SFTPD: variants seen among roughly 807,000 people sequenced by gnomAD.
SFTPD encodes the protein surfactant protein D, also known as pulmonary surfactant-associated protein D.
Under a neutral mutation model 34.6 loss-of-function variants are expected in SFTPD, and 18 were observed. That is an observed-to-expected ratio of 0.52 (90% CI 0.36 to 0.77). The LOEUF is 0.77. Ranked by LOEUF, SFTPD falls within the 30% of genes least tolerant of loss-of-function variation. The probability of loss-of-function intolerance (pLI) is 0.00; values close to 1 mark genes in which losing one functional copy is unlikely to be tolerated. For synonymous variants in SFTPD, 155 were observed against 180.9 expected (o/e 0.86, Z 1.15); for missense variants, 433 against 468.9 (o/e 0.92, Z 0.71).
At chr10:79,957,994 T>C (rs1424766124) in intron 1 of SFTPD, among the ~76,000 whole-genome samples, 1 of 152,224 alleles carries the variant, frequency 6.6e-6, no homozygotes, top group Non-Finnish European at 1.5e-5. Flanking sequence ...GGGGCCAATA[T>C]TCAGCATTCT....
At chr10:79,981,856 A>G (rs1842892572) in intron 1 of SFTPD, 1 of 239,304 alleles carries the variant, frequency 4.2e-6, no homozygotes, top group Non-Finnish European at 8.1e-6. Context: ...ACCAGAACCT[A>G]AACCAGAGGC....
upstream of SFTPD, among the ~76,000 whole-genome samples, chr10:79,951,313 C>T (rs946081525): frequency 6.6e-6 from 1 of 152,102 alleles, no homozygotes; most frequent in African/African-American, 2.4e-5. Flanking sequence ...CTAGAGAACC[C>T]GTTACTTCTT....
intron 1 of SFTPD, among the ~76,000 whole-genome samples, chr10:79,957,944 T>C (rs757714452): frequency 2.6e-5 from 4 of 152,266 alleles, no homozygotes; most frequent in African/African-American, 9.6e-5. Flanking sequence ...AGACCAACAG[T>C]GGATCTCTCA....
At chr10:79,958,450 T>G (rs1195704544) in intron 1 of SFTPD, among the ~76,000 whole-genome samples, 2 of 151,990 alleles carry the variant, frequency 1.3e-5, no homozygotes, top group East Asian at 3.8e-4. Context: ...TAGAGGAAGA[T>G]CTACCAAGCA....
chr10:79,963,090 C>T (rs757047339), intron 1 of SFTPD, among the ~76,000 whole-genome samples: 5 of 152,090 alleles, frequency 3.3e-5, no homozygotes, highest in Non-Finnish European at 7.4e-5. Context: ...CATCTGTAAT[C>T]CTAGCATTTT....
chr10:79,953,210 CT>C (rs1472378851), upstream of SFTPD, among the ~76,000 whole-genome samples: 1 of 152,222 alleles, frequency 6.6e-6, no homozygotes, highest in Non-Finnish European at 1.5e-5. Context: ...TTTATAATTA[CT>C]TTTACCAGTG....
chr10:79,964,128 C>T (rs12761299), intron 1 of SFTPD, among the ~76,000 whole-genome samples: 35,137 of 152,036 alleles, frequency 0.23, 4,696 homozygotes, highest in East Asian at 0.56. Context: ...ACTCATTGCC[C>T]TAACTCGAGC....
chr10:79,962,290 T>A (rs1293981484), intron 1 of SFTPD, among the ~76,000 whole-genome samples: 2 of 147,542 alleles, frequency 1.4e-5, no homozygotes, highest in African/African-American at 5.0e-5. Flanking sequence ...AAACTTAAAG[T>A]ATAATAATAA....
rs1411651488 is a variant in SFTPD, at chr10:79,937,930, G to T, written c.1050C>A (p.Asp350Glu). The T allele has an allele frequency of 1.2e-6, 2 of 1,609,914 alleles. No individual in the cohort carries two copies. The highest frequency in any genetic ancestry group is 1.1e-5 in the South Asian group (1 of 90,632). The change falls in exon 8 of 8, where the codon GAC (aspartate) becomes GAA (glutamate). Residue 350 changes from aspartate (D) to glutamate (E), a missense_variant. Asp to Glu is a conservative substitution (Grantham distance 45). Transcript: ENST00000372292. The stretch of plus-strand genomic sequence containing the variant: ...TGCCATTGGTGAAGATCTCCACACA[G>T]TCCTCTGACCCGCCATCATCGTTGG... ...GEPNDDGGSEDCVEIFTNGKW... is the reference protein window; with the variant it reads ...GEPNDDGGSEECVEIFTNGKW...
chr10:79,952,823 G>A (rs796716929), upstream of SFTPD, among the ~76,000 whole-genome samples: 11 of 152,254 alleles, frequency 7.2e-5, no homozygotes, highest in Admixed American at 2.0e-4. Context: ...GCATGAGCTG[G>A]CCACCCAATG....
rs1016525954 is a variant in SFTPD at position 79,958,840 on chromosome 10, C to G, written c.37-12178G>C. ...CTCCACCCCAAATCAACAGAATATA[C>G]ATTTTTTTCAGCACCACACCACACC... is the stretch of plus-strand genomic sequence containing the variant. On this transcript the variant is annotated intron_variant, in intron 1 of 5. Coordinates refer to the SFTPD transcript ENST00000444384. 2.3e-3 allele frequency among the ~76,000 whole-genome samples: 348 copies of G among 152,218 alleles called. 4 individuals are homozygous for G. Among genetic ancestry groups the G allele is most frequent in the Non-Finnish European group, 2.3e-3 (157 of 68,006 alleles).
In SFTPD at chr10:79,942,074, A is replaced by C. The variant is rs1383873083; in HGVS notation, c.434-4T>G. The C allele has an allele frequency of 5.6e-6, 9 of 1,599,606 alleles. No homozygotes were observed. The highest frequency in any genetic ancestry group is 7.7e-6 in the Non-Finnish European group (9 of 1,167,840). On this transcript the variant is annotated splice_polypyrimidine_tract_variant and splice_region_variant and intron_variant, in intron 4 of 7. Transcript: ENST00000372292. ...ATGCCTGGGGCACCTACTTCTCCTG[A>C]AGAAGGAACACACAGGAACAAACAC...
In SFTPD at chr10:79,961,426, C is replaced by A. The variant is rs562501635; in HGVS notation, c.37-14764G>T. Among the ~76,000 whole-genome samples the A allele has an allele frequency of 4.7e-4, 70 of 149,368 alleles. 1 individual carries two copies. Among genetic ancestry groups the A allele is most frequent in the African/African-American group, 1.5e-3 (60 of 40,790 alleles). On this transcript the variant is annotated intron_variant, in intron 1 of 5. Coordinates refer to the SFTPD transcript ENST00000444384. ...ATAAAGGGCTAATATGCAGAATCTA[C>A]AATCAACTCAAACAAATTTACAAGA...
chr10:79,940,512 T>C (rs1207673408), intron 7 of SFTPD, among the ~76,000 whole-genome samples, 193 bp downstream of exon 7: 1 of 152,110 alleles, frequency 6.6e-6, no homozygotes, highest in Non-Finnish European at 1.5e-5. Flanking sequence ...CATCCCAGCC[T>C]GAGCCCTACC....
intron 1 of SFTPD, among the ~76,000 whole-genome samples, chr10:79,964,228 C>G (rs1842790787): frequency 6.6e-6 from 1 of 152,136 alleles, no homozygotes; most frequent in African/African-American, 2.4e-5. Context: ...GTTATATGGG[C>G]AGAAAGAGGT....
At chr10:79,964,779 G>A (rs1003554933) in intron 1 of SFTPD, among the ~76,000 whole-genome samples, 1 of 152,006 alleles carries the variant, frequency 6.6e-6, no homozygotes, top group Admixed American at 6.6e-5. Flanking sequence ...CCCTGCCCAG[G>A]TCTGGCAAAT....
upstream of SFTPD, among the ~76,000 whole-genome samples, chr10:79,949,469 A>G (rs895728514): frequency 3.3e-5 from 5 of 152,192 alleles, no homozygotes; most frequent in African/African-American, 9.7e-5. Context: ...GCAGATCTTA[A>G]GAGCCAAGAC....
chr10:79,940,758 G>A lies in SFTPD; in HGVS notation c.698C>T (p.Ala233Val), dbSNP rs772515944. 6.2e-7 allele frequency: 1 copy of A among 1,612,018 alleles called. No homozygotes were observed. The highest frequency in any genetic ancestry group is 2.2e-5 in the East Asian group (1 of 44,856). ...GAGGTGCTGTACTTGTCCCTGTAAGGCCTCAACCTGCTGCCTCAGAGAAGC... is the reference window on the plus strand; with the variant it reads ...GAGGTGCTGTACTTGTCCCTGTAAGACCTCAACCTGCTGCCTCAGAGAAGC... Reference protein sequence around the residue: ...DVASLRQQVEALQGQVQHLQA... With the variant: ...DVASLRQQVEVLQGQVQHLQA... Residue 233 changes from alanine (A) to valine (V), a missense_variant, in exon 7 of 8, where the codon GCC (alanine) becomes GTC (valine). Physicochemically the swap from Ala to Val is moderately conservative, Grantham distance 64 (BLOSUM62 0). Coordinates refer to ENST00000372292, the MANE Select transcript of SFTPD (RefSeq NM_003019.5).
intron 1 of SFTPD, among the ~76,000 whole-genome samples, chr10:79,961,259 C>G (rs1406562688): frequency 6.6e-6 from 1 of 152,084 alleles, no homozygotes; most frequent in Non-Finnish European, 1.5e-5. Flanking sequence ...GTCTAAAACA[C>G]CAAAAGCAAT....
Sources: allele counts gnomAD v4.1 joint callset (sites outside exome capture counted in the v4.1 genomes callset), GRCh38; gene constraint gnomAD v4.1.1; transcripts MANE v1.5; gene names NCBI Gene and HGNC (gene_info 2026-07-23, HGNC 2026-07-21).